FAM222B: variants seen among roughly 807,000 people sequenced by gnomAD.
FAM222B encodes the protein family with sequence similarity 222 member B, also known as protein FAM222B.
FAM222B carries 12 observed loss-of-function variants against 38.0 expected under a neutral mutation model. The ratio of observed to expected loss-of-function variants is 0.32; its 90% CI spans 0.20 to 0.51. The LOEUF (loss-of-function observed/expected upper bound fraction) is 0.51. Among genes scored for constraint, FAM222B ranks in the 20% least tolerant of loss-of-function variants. The pLI, the probability that FAM222B is intolerant of heterozygous loss-of-function variation, is 0.97. For missense variants in FAM222B, 716 were observed against 754.2 expected, an observed-to-expected ratio of 0.95 and a Z score of 0.59; for synonymous variants, 329 against 317.2, an observed-to-expected ratio of 1.04 and a Z score of -0.40.
intron 1 of FAM222B, among the ~76,000 whole-genome samples, chr17:28,816,831 T>C (rs2038044149): frequency 6.6e-6 from 1 of 151,906 alleles, no homozygotes; most frequent in South Asian, 2.1e-4. Flanking sequence ...ACTGTGGTAA[T>C]TTTTTTTAAG....
chr17:28,771,307 T>C (rs2035621505), intron 1 of FAM222B, among the ~76,000 whole-genome samples: 1 of 152,202 alleles, frequency 6.6e-6, no homozygotes. Flanking sequence ...GATTAGTCTT[T>C]TTACCTTTCA....
At chr17:28,773,684 G>C (rs909376085) in intron 1 of FAM222B, among the ~76,000 whole-genome samples, 3 of 151,904 alleles carry the variant, frequency 2.0e-5, no homozygotes, top group Non-Finnish European at 4.4e-5. Context: ...TGTAATCCCA[G>C]CTACTCGAGA....
intron 1 of FAM222B, among the ~76,000 whole-genome samples, chr17:28,823,151 C>G (rs1449282433): frequency 6.6e-6 from 1 of 151,626 alleles, no homozygotes; most frequent in Non-Finnish European, 1.5e-5. Flanking sequence ...GGTGCCAAAA[C>G]CTGTTACCAA....
intron 1 of FAM222B, among the ~76,000 whole-genome samples, chr17:28,812,956 T>G (rs1205299477): frequency 7.9e-6 from 1 of 126,012 alleles, no homozygotes; most frequent in Non-Finnish European, 1.6e-5. Flanking sequence ...GATTGCATAT[T>G]AAATCAACTG....
intron 2 of FAM222B, among the ~76,000 whole-genome samples, chr17:28,765,110 TAGA>T (rs1408454644): frequency 6.6e-6 from 1 of 152,184 alleles, no homozygotes; most frequent in Non-Finnish European, 1.5e-5. Context: ...CAGGCAACTG[TAGA>T]AGGAGGACTA....
intron 1 of FAM222B, among the ~76,000 whole-genome samples, chr17:28,779,668 G>A (rs973579176): frequency 6.6e-6 from 1 of 151,830 alleles, no homozygotes; most frequent in Non-Finnish European, 1.5e-5. Context: ...GGAGAATGGC[G>A]TGAACCCCGG....
At chr17:28,847,647 G>T (rs1452805828), upstream of FAM222B, among the ~76,000 whole-genome samples, 1 of 151,794 alleles carries the variant, frequency 6.6e-6, no homozygotes, top group African/African-American at 2.4e-5. Context: ...GGGCGCGGTG[G>T]CTCACTCCTG....
chr17:28,831,018 C>T (rs1167949447), intron 1 of FAM222B, among the ~76,000 whole-genome samples: 3 of 124,126 alleles, frequency 2.4e-5, no homozygotes, highest in East Asian at 2.3e-4. Flanking sequence ...TTTTTTGAGA[C>T]GGAGTCTCGC....
intron 1 of FAM222B, among the ~76,000 whole-genome samples, chr17:28,772,254 T>C (rs1378457781): frequency 2.0e-5 from 3 of 152,140 alleles, no homozygotes; most frequent in African/African-American, 7.2e-5. Context: ...TGTCTTTTTT[T>C]CTCCTTCTTC....
chr17:28,791,104 G>A (rs1230217872), intron 1 of FAM222B, among the ~76,000 whole-genome samples: 1 of 151,394 alleles, frequency 6.6e-6, no homozygotes, highest in Admixed American at 6.6e-5. Flanking sequence ...TAGAGACGGG[G>A]TTTCACTGGG....
At chr17:28,778,719 ATTTTTTTTTTT>A (rs59098589) in intron 1 of FAM222B, among the ~76,000 whole-genome samples, 2 of 25,490 alleles carry the variant, frequency 7.8e-5, no homozygotes, top group African/African-American at 1.5e-4. Context: ...ATATATATAT[ATTTTTTTTTTT>A]TTTTTTTTTT....
At chr17:28,847,358 G>A (rs1019766934), upstream of FAM222B, among the ~76,000 whole-genome samples, 14 of 151,992 alleles carry the variant, frequency 9.2e-5, no homozygotes, top group African/African-American at 3.4e-4. Flanking sequence ...ACTTTGGGAG[G>A]CTGAGGCAGG....
chr17:28,780,133 G>A (rs567308892), intron 1 of FAM222B, among the ~76,000 whole-genome samples: 4 of 152,026 alleles, frequency 2.6e-5, no homozygotes, highest in East Asian at 3.9e-4. Flanking sequence ...CACCATGTCC[G>A]GCTAATTTTT....
chr17:28,793,267 G>A (rs1024311773), intron 1 of FAM222B, among the ~76,000 whole-genome samples: 1 of 151,976 alleles, frequency 6.6e-6, no homozygotes, highest in South Asian at 2.1e-4. Flanking sequence ...GTTTCTCAAG[G>A]TCCTTCCTTC....
intron 1 of FAM222B, among the ~76,000 whole-genome samples, chr17:28,798,972 G>GTTTTT (rs371016664): frequency 6.7e-6 from 1 of 148,738 alleles, no homozygotes; most frequent in Non-Finnish European, 1.5e-5. Context: ...ATGGAATCCT[G>GTTTTT]TTGTTTTTTT....
At chr17:28,794,206 A>C (rs148914994) in intron 1 of FAM222B, among the ~76,000 whole-genome samples, 1 of 151,024 alleles carries the variant, frequency 6.6e-6, no homozygotes, top group Non-Finnish European at 1.5e-5. Context: ...ACCAGCTGGA[A>C]TCTACTTGTC....
At chr17:28,812,477 C>G (rs1244510075) in intron 1 of FAM222B, 1 of 152,492 alleles carries the variant, frequency 6.6e-6, no homozygotes, top group Non-Finnish European at 1.5e-5. Flanking sequence ...GCCCCGCCCC[C>G]TCACCTCCAC....
intron 1 of FAM222B, among the ~76,000 whole-genome samples, chr17:28,771,636 T>C (rs1183022969): frequency 1.3e-5 from 2 of 152,032 alleles, no homozygotes; most frequent in African/African-American, 4.8e-5. Flanking sequence ...AGCTGAGATT[T>C]TGCCACTGCA....
At chr17:28,846,813 C>T (rs1189330446), upstream of FAM222B, among the ~76,000 whole-genome samples, 1 of 152,056 alleles carries the variant, frequency 6.6e-6, no homozygotes, top group Non-Finnish European at 1.5e-5. Flanking sequence ...AAAGGCCAAA[C>T]GTGGTGTCTC....
Sources: gnomAD v4.1 joint callset for allele counts (sites outside exome capture counted in the v4.1 genomes callset) on GRCh38, gnomAD v4.1.1 for gene constraint, MANE v1.5 for transcripts, NCBI Gene and HGNC (gene_info 2026-07-23, HGNC 2026-07-21) for gene names.